Variants in PDE4B observed in about 807,000 individuals in gnomAD.
PDE4B encodes phosphodiesterase 4B.
In PDE4B, 20 loss-of-function variants were observed where a neutral mutation model predicts 82.2. That is an observed-to-expected ratio of 0.24 (90% CI 0.17 to 0.35). PDE4B has a LOEUF of 0.35. PDE4B is among the 10% of genes least tolerant of loss of function. The pLI is 1.00. For synonymous variants in PDE4B, 320 were observed against 318.9 expected, an observed-to-expected ratio of 1.00 and a Z score of -0.04; for missense variants, 655 against 907.2, an observed-to-expected ratio of 0.72 and a Z score of 3.57.
intron 1 of PDE4B, among the ~76,000 whole-genome samples, chr1:65,885,538 A>G (rs1646763525): frequency 6.6e-6 from 1 of 152,186 alleles, no homozygotes; most frequent in Non-Finnish European, 1.5e-5. Context: ...GCCATAAAAA[A>G]GGATGAGTTC....
At chr1:66,145,135 T>C (rs1299090910) in intron 3 of PDE4B, among the ~76,000 whole-genome samples, 2 of 152,142 alleles carry the variant, frequency 1.3e-5, no homozygotes, top group Admixed American at 6.5e-5. Context: ...CAGACATTCA[T>C]CAAACATTAT....
intron 6 of PDE4B, among the ~76,000 whole-genome samples, chr1:66,259,584 A>G (rs1358751): frequency 0.024 from 3,710 of 152,218 alleles, 62 homozygotes; most frequent in Middle Eastern, 0.054. Flanking sequence ...AACCTGGCTG[A>G]GTGGCCCTCA....
intron 8 of PDE4B, among the ~76,000 whole-genome samples, chr1:66,352,141 T>C (rs1308043740): frequency 1.3e-5 from 2 of 152,158 alleles, no homozygotes; most frequent in Non-Finnish European, 2.9e-5. Context: ...CAGTTGTTGC[T>C]AAGCAACATT....
chr1:66,137,955 A>T (rs1329442775), intron 3 of PDE4B, among the ~76,000 whole-genome samples: 1 of 152,222 alleles, frequency 6.6e-6, no homozygotes, highest in African/African-American at 2.4e-5. Context: ...TTATAAATGA[A>T]TGTAATTATT....
chr1:66,061,140 C>A lies in PDE4B; in HGVS notation c.281+142305C>A, dbSNP rs1450305473. ...TCACCAGATAAAGATTACATGTGGT[C>A]TTTAGCAAGAAACATGAACTCAGGA... On this transcript the variant is annotated intron_variant, in intron 3 of 16. Transcript: ENST00000341517. 4.0e-5 allele frequency among the ~76,000 whole-genome samples: 6 copies of A among 150,830 alleles called. No individual in the cohort carries two copies. The Admixed American group carries it at 4.0e-4, about 10-fold the overall frequency.
chr1:66,355,943 T>A (rs1662205242), intron 9 of PDE4B, among the ~76,000 whole-genome samples: 1 of 152,170 alleles, frequency 6.6e-6, no homozygotes, highest in South Asian at 2.1e-4. Flanking sequence ...GGAAATCCAA[T>A]CACCCAAGCC....
chr1:66,059,681 T>A (rs2100891439), intron 3 of PDE4B, among the ~76,000 whole-genome samples: 1 of 152,300 alleles, frequency 6.6e-6, no homozygotes, highest in South Asian at 2.1e-4. Context: ...AGAAAAGACC[T>A]GCCCCCATGA....
intron 1 of PDE4B, among the ~76,000 whole-genome samples, chr1:65,807,862 A>G (rs1290099609): frequency 6.6e-6 from 1 of 152,204 alleles, no homozygotes; most frequent in East Asian, 1.9e-4. Flanking sequence ...CTGTCAGGAA[A>G]GGAGTAGTTA....
chr1:65,903,977 C>A (rs1647000387), intron 1 of PDE4B, among the ~76,000 whole-genome samples: 2 of 152,154 alleles, frequency 1.3e-5, no homozygotes, highest in Admixed American at 6.6e-5. Context: ...TTGTTATCTT[C>A]CTCTTATGAA....
At chr1:65,962,238 C>T (rs1649580711) in intron 3 of PDE4B, among the ~76,000 whole-genome samples, 3 of 152,162 alleles carry the variant, frequency 2.0e-5, no homozygotes, top group African/African-American at 7.2e-5. Context: ...AGTAAGGTTT[C>T]TACAGAATGT....
intron 7 of PDE4B, among the ~76,000 whole-genome samples, chr1:66,310,045 G>A (rs971460275): frequency 6.6e-6 from 1 of 152,116 alleles, no homozygotes; most frequent in African/African-American, 2.4e-5. Flanking sequence ...TGGCCTCTGG[G>A]CACCTACAAA....
At chr1:66,052,650 C>T (rs1321567814) in intron 3 of PDE4B, among the ~76,000 whole-genome samples, 1 of 149,146 alleles carries the variant, frequency 6.7e-6, no homozygotes, top group Non-Finnish European at 1.5e-5. Flanking sequence ...ACAGCTGTTT[C>T]CCAGAACTGT....
At chr1:65,973,729 A>G (rs1418842797) in intron 3 of PDE4B, among the ~76,000 whole-genome samples, 1 of 152,234 alleles carries the variant, frequency 6.6e-6, no homozygotes. Context: ...ACATTCATAC[A>G]TCCAATAAAT....
chr1:66,371,411 G>A (rs1192052721), intron 16 of PDE4B, among the ~76,000 whole-genome samples: 1 of 151,784 alleles, frequency 6.6e-6, no homozygotes, highest in Middle Eastern at 3.2e-3. Flanking sequence ...CCCACCCCCA[G>A]TGTTTCCTGT....
chr1:66,224,669 A>T (rs969567242), intron 3 of PDE4B, among the ~76,000 whole-genome samples: 2 of 152,214 alleles, frequency 1.3e-5, no homozygotes, highest in African/African-American at 4.8e-5. Context: ...CAGTGAGCCG[A>T]GATTGTGCCA....
chr1:65,990,549 G>A (rs781520463), intron 3 of PDE4B, among the ~76,000 whole-genome samples: 2 of 152,042 alleles, frequency 1.3e-5, no homozygotes, highest in African/African-American at 2.4e-5. Context: ...CAAATAATAG[G>A]TAGCTTATAG....
Position 66,040,813 on chromosome 1 carries a change from T to C in PDE4B, c.281+121978T>C, listed in dbSNP as rs572041208. On this transcript the variant is annotated intron_variant, in intron 3 of 16. Coordinates refer to ENST00000341517, the MANE Select transcript of PDE4B (RefSeq NM_002600.4). ...AGAGAAGACTTCAAGTGTTATAGTA[T>C]AGAGGCCATTTGGAAAGTCAACCCT... Among the ~76,000 whole-genome samples the C allele has an allele frequency of 8.0e-4, 122 of 151,998 alleles. 1 individual carries two copies. In the South Asian group the frequency reaches 0.024, roughly 30 times the overall value.
intron 1 of PDE4B, among the ~76,000 whole-genome samples, chr1:65,862,584 C>G (rs1433572014): frequency 1.3e-5 from 2 of 152,082 alleles, no homozygotes; most frequent in Non-Finnish European, 2.9e-5. Flanking sequence ...AGGGAGGAGT[C>G]CCTCTTTTTT....
chr1:66,116,514 C>T (rs892165023), intron 3 of PDE4B, among the ~76,000 whole-genome samples: 1 of 151,982 alleles, frequency 6.6e-6, no homozygotes, highest in Non-Finnish European at 1.5e-5. Flanking sequence ...AATTTTTTTG[C>T]CTCAAGATTG....
Sources: allele counts gnomAD v4.1 joint callset (sites outside exome capture counted in the v4.1 genomes callset), GRCh38; gene constraint gnomAD v4.1.1; transcripts MANE v1.5; gene names NCBI Gene and HGNC (gene_info 2026-07-23, HGNC 2026-07-21).